TAOK3: variants seen among roughly 807,000 people sequenced by gnomAD.
TAOK3 encodes serine/threonine-protein kinase TAO3.
A neutral mutation model predicts 120.4 loss-of-function variants in TAOK3; 40 were observed. The observed-to-expected ratio is 0.33, with a 90% CI of 0.26 to 0.43. The LOEUF is 0.43. Among genes scored for constraint, TAOK3 ranks in the 20% least tolerant of loss-of-function variants. TAOK3 has a pLI of 1.00. For synonymous variants in TAOK3, 355 were observed against 387.5 expected, an observed-to-expected ratio of 0.92 and a Z score of 0.99; for missense variants, 821 against 1,112.1, an observed-to-expected ratio of 0.74 and a Z score of 3.72.
rs543517974 is a variant in TAOK3, at chr12:118,329,633, T to C, written c.-194+43015A>G. Among the ~76,000 whole-genome samples, 10 of 151,886 alleles carry C rather than the reference T, an allele frequency of 6.6e-5. No homozygotes were observed. In the South Asian group the frequency reaches 1.2e-3, roughly 19 times the overall value. On this transcript the variant is annotated intron_variant, in intron 1 of 20. Transcript: ENST00000392533. ...ATATCAAAATATAAAGCTTGTTATATTCTATGACTTTGGTTTTTTCTAGGA... is the reference window on the plus strand; with the variant it reads ...ATATCAAAATATAAAGCTTGTTATACTCTATGACTTTGGTTTTTTCTAGGA...
chr12:118,353,187 C>T (rs11068916), intron 1 of TAOK3, among the ~76,000 whole-genome samples: 6,864 of 152,178 alleles, frequency 0.045, 349 homozygotes, highest in East Asian at 0.24. Context: ...AGACACTACA[C>T]AGATTTTTGT....
intron 12 of TAOK3, 124 bp downstream of exon 12, chr12:118,201,172 A>G (rs2038001447): frequency 1.1e-6 from 1 of 908,996 alleles, no homozygotes; most frequent in South Asian, 1.9e-5. Flanking sequence ...ACAACCCTTC[A>G]TGTTTCTTAA....
Position 118,160,992 on chromosome 12 carries a change from G to A in TAOK3, c.2140-634C>T, listed in dbSNP as rs1166213969. Among the ~76,000 whole-genome samples the A allele has an allele frequency of 1.3e-5, 2 of 152,194 alleles. No individual in the cohort carries two copies. The highest frequency in any genetic ancestry group is 2.1e-4 in the South Asian group (1 of 4,832). The stretch of plus-strand genomic sequence containing the variant: ...ATGTAGCAATATAAAATATGCATTT[G>A]GGCAAAGAGAAGGTAGAGTATATTA... On this transcript the variant is annotated intron_variant, in intron 18 of 20. Transcript: ENST00000392533. This position sits in a 1 kb window ranked among gnomAD's most constrained non-coding sequence, Gnocchi z 4.2.
At chr12:118,291,822 AT>A (rs1002520738) in intron 1 of TAOK3, among the ~76,000 whole-genome samples, 11 of 150,608 alleles carry the variant, frequency 7.3e-5, no homozygotes, top group South Asian at 2.1e-4. Context: ...ATGAAAAAAA[AT>A]TTTTTTTTTG....
intron 3 of TAOK3, among the ~76,000 whole-genome samples, chr12:118,247,899 C>T (rs944471259): frequency 1.3e-5 from 2 of 152,158 alleles, no homozygotes; most frequent in Non-Finnish European, 2.9e-5. Flanking sequence ...ATTACCTCTG[C>T]ATCAGTGCCA....
At chr12:118,238,713 C>T (rs1186383311) in intron 6 of TAOK3, among the ~76,000 whole-genome samples, 1 of 151,626 alleles carries the variant, frequency 6.6e-6, no homozygotes, top group African/African-American at 2.4e-5. Context: ...AAGCTCACTG[C>T]AGCCTTGAAT....
At chr12:118,276,427 C>T (rs566592603) in intron 1 of TAOK3, among the ~76,000 whole-genome samples, 62 of 152,296 alleles carry the variant, frequency 4.1e-4, no homozygotes, top group African/African-American at 1.3e-3. Context: ...TATGGCCGGG[C>T]GCGGTGGCTC....
intron 1 of TAOK3, among the ~76,000 whole-genome samples, chr12:118,286,015 G>C (rs2042255086): frequency 6.6e-6 from 1 of 152,202 alleles, no homozygotes; most frequent in Admixed American, 6.5e-5. Flanking sequence ...GCTGTCCAAA[G>C]AAGGCAATCA....
chr12:118,196,837 T>A (rs1323390622), intron 13 of TAOK3, among the ~76,000 whole-genome samples: 1 of 152,022 alleles, frequency 6.6e-6, no homozygotes, highest in Non-Finnish European at 1.5e-5. Flanking sequence ...TTACTGAGCA[T>A]CTATGCTGCG....
rs889074323 is a variant in TAOK3, at chr12:118,255,635, T to TG, written c.-69dup. On this transcript the variant is annotated 5_prime_UTR_variant, in exon 3 of 21. Transcript: ENST00000392533. ...TTTATTTCTCATTGACAATTTTTTT[T>TG]GGGGGGTAAATCTTCAGTACCTGTA... The TG allele has an allele frequency of 9.3e-6, 14 of 1,503,440 alleles. No individual in the cohort carries two copies. The South Asian group carries it at 1.6e-4, about 17-fold the overall frequency. The allele number at this position is 1,503,440 out of a possible 1,614,324, so 93.1% of individuals were successfully genotyped here.
At chr12:118,303,479 T>C (rs773950338) in intron 1 of TAOK3, among the ~76,000 whole-genome samples, 1 of 152,194 alleles carries the variant, frequency 6.6e-6, no homozygotes, top group Non-Finnish European at 1.5e-5. Flanking sequence ...AATAGAACAA[T>C]GCTATGAGAC....
chr12:118,292,226 A>T (rs1324584089), intron 1 of TAOK3, among the ~76,000 whole-genome samples: 1 of 152,222 alleles, frequency 6.6e-6, no homozygotes, highest in Non-Finnish European at 1.5e-5. Context: ...TTCAATCGAC[A>T]AGTCTAAAAT....
chr12:118,230,082 G>T (rs895406893), intron 9 of TAOK3, among the ~76,000 whole-genome samples: 1 of 152,116 alleles, frequency 6.6e-6, no homozygotes, highest in Non-Finnish European at 1.5e-5. Context: ...TGAGGCATTG[G>T]GGGGCTTCTT....
intron 4 of TAOK3, 39 bp downstream of exon 4, chr12:118,244,855 G>T: frequency 6.8e-7 from 1 of 1,473,712 alleles, no homozygotes. Context: ...ATACTAACTT[G>T]TTTATTTCAG....
intron 16 of TAOK3, 22 bp from the exon 17 acceptor site, chr12:118,172,682 C>A: frequency 6.2e-7 from 1 of 1,604,264 alleles, no homozygotes; most frequent in Non-Finnish European, 8.5e-7. Flanking sequence ...AGACAAAAAC[C>A]AAGCCAGCCT....
chr12:118,291,883 C>G (rs1020518803), intron 1 of TAOK3, among the ~76,000 whole-genome samples: 9 of 152,188 alleles, frequency 5.9e-5, no homozygotes, highest in Middle Eastern at 3.4e-3. Context: ...GGCATGATCT[C>G]AGCTCACTGC....
At chr12:118,243,093 G>C (rs2040325913) in intron 5 of TAOK3, among the ~76,000 whole-genome samples, 1 of 151,982 alleles carries the variant, frequency 6.6e-6, no homozygotes, top group Non-Finnish European at 1.5e-5. Context: ...GATGAGAAAT[G>C]ACAAAGATAA....
At chr12:118,221,048 G>C (rs555671349) in intron 9 of TAOK3, among the ~76,000 whole-genome samples, 1 of 152,194 alleles carries the variant, frequency 6.6e-6, no homozygotes, top group Non-Finnish European at 1.5e-5. Context: ...AAGTTTATTG[G>C]AACACAGCCA....
intron 17 of TAOK3, among the ~76,000 whole-genome samples, chr12:118,166,827 T>TATACACAC (rs774334586): frequency 1.4e-5 from 2 of 146,726 alleles, no homozygotes; most frequent in African/African-American, 2.5e-5. Flanking sequence ...TATATATATA[T>TATACACAC]ACACACACAC....
Sources: allele counts gnomAD v4.1 joint callset (sites outside exome capture counted in the v4.1 genomes callset), GRCh38; gene constraint gnomAD v4.1.1; non-coding constraint Gnocchi (gnomAD v3.1); transcripts MANE v1.5; gene names NCBI Gene and HGNC (gene_info 2026-07-23, HGNC 2026-07-21).